The following RAB3C variants were observed in gnomAD, a reference collection of about 807,000 sequenced individuals.
RAB3C encodes RAB3C, member RAS oncogene family.
RAB3C carries 17 observed loss-of-function variants against 26.4 expected under a neutral mutation model. That is an observed-to-expected ratio of 0.64 (90% confidence interval 0.44 to 0.97). RAB3C has a LOEUF of 0.97. Ranked by LOEUF, RAB3C falls within the 50% of genes least tolerant of loss-of-function variation. The pLI is 0.00. For missense variants in RAB3C, 242 were observed against 281.9 expected (o/e 0.86, Z 1.01); for synonymous variants, 91 against 95.9 (o/e 0.95, Z 0.30).
intron 2 of RAB3C, among the ~76,000 whole-genome samples, chr5:58,673,447 TACAC>T (rs71604758): frequency 0.22 from 32,611 of 145,708 alleles, 3,560 homozygotes; most frequent in East Asian, 0.33. Flanking sequence ...GAACTAGTTA[TACAC>T]ACACACACAC....
chr5:58,708,113 C>A (rs1306511508), intron 2 of RAB3C, among the ~76,000 whole-genome samples: 1 of 151,952 alleles, frequency 6.6e-6, no homozygotes, highest in African/African-American at 2.4e-5. Context: ...ACCTTAGCCT[C>A]CCAAGTTGCT....
intron 2 of RAB3C, among the ~76,000 whole-genome samples, chr5:58,706,890 G>A (rs534469945): frequency 2.6e-5 from 4 of 152,228 alleles, no homozygotes; most frequent in South Asian, 4.2e-4. Flanking sequence ...TTTTCATCCC[G>A]TTGCCAAAGC....
intron 3 of RAB3C, among the ~76,000 whole-genome samples, chr5:58,743,898 A>G (rs1011253196): frequency 1.3e-5 from 2 of 152,162 alleles, no homozygotes; most frequent in African/African-American, 2.4e-5. Context: ...ACACAAATAG[A>G]TCTTATATAG....
At chr5:58,837,431 C>G (rs1433792956) in intron 4 of RAB3C, among the ~76,000 whole-genome samples, 1 of 152,108 alleles carries the variant, frequency 6.6e-6, no homozygotes, top group Non-Finnish European at 1.5e-5. Flanking sequence ...ACCCGCCCCT[C>G]TTGGCCTCCC....
intron 4 of RAB3C, 24 bp downstream of exon 4, chr5:58,825,186 A>C: frequency 6.2e-7 from 1 of 1,602,714 alleles, no homozygotes. Flanking sequence ...TAATAAGTTA[A>C]AAAGAAAGAT....
At chr5:58,776,661 T>A (rs1742148989) in intron 3 of RAB3C, among the ~76,000 whole-genome samples, 2 of 152,154 alleles carry the variant, frequency 1.3e-5, no homozygotes, top group South Asian at 4.1e-4. Context: ...CCGCGCTGCT[T>A]AAACAGATAA....
intron 2 of RAB3C, among the ~76,000 whole-genome samples, chr5:58,620,973 T>A (rs441085): frequency 0.25 from 37,794 of 152,086 alleles, 4,945 homozygotes; most frequent in Admixed American, 0.31. Context: ...GTGCTGGAAA[T>A]TATTTAGTTG....
intron 4 of RAB3C, among the ~76,000 whole-genome samples, chr5:58,831,197 T>G (rs1743606844): frequency 1.3e-5 from 2 of 152,140 alleles, no homozygotes; most frequent in Non-Finnish European, 2.9e-5. Context: ...AGGACTTAAC[T>G]GAATTTAGTT....
At chr5:58,657,728 AAGG>A (rs1421677785) in intron 2 of RAB3C, among the ~76,000 whole-genome samples, 1 of 152,184 alleles carries the variant, frequency 6.6e-6, no homozygotes, top group Non-Finnish European at 1.5e-5. Context: ...GGAGGATTTC[AAGG>A]AGAAGAGTGA....
chr5:58,657,065 T>C (rs1464991402), intron 2 of RAB3C, among the ~76,000 whole-genome samples: 1 of 152,320 alleles, frequency 6.6e-6, no homozygotes, highest in African/African-American at 2.4e-5. Flanking sequence ...TAAAAAGGAA[T>C]GAATTAACAA....
At position 58,853,940 on chromosome 5, in the gene RAB3C, C is replaced by CTT. The variant is rs1744172850; in HGVS notation, c.*2589_*2590insTT. On this transcript the variant is annotated 3_prime_UTR_variant, in exon 5 of 5. Coordinates refer to ENST00000282878, the MANE Select transcript of RAB3C (RefSeq NM_138453.4). ...CATCAAATTTGGCAAATGGTGGGACCAACCCAAGGTTAACTAAGTGGGCTT... is the reference window on the plus strand; with the variant it reads ...CATCAAATTTGGCAAATGGTGGGACCTTAACCCAAGGTTAACTAAGTGGGCTT... The CTT allele has an allele frequency of 6.6e-6, 1 of 151,656 alleles. No individual in the cohort carries two copies. Among genetic ancestry groups the CTT allele is most frequent in the Non-Finnish European group, 1.5e-5 (1 of 67,934 alleles). 9.4% of individuals were successfully genotyped at this position (151,656 alleles called of 1,614,324 possible). A position where few individuals can be genotyped will look rare whatever the true frequency, so the allele number is the denominator to read the frequency against.
chr5:58,609,840 A>C (rs1249889847), intron 1 of RAB3C, among the ~76,000 whole-genome samples: 1 of 152,160 alleles, frequency 6.6e-6, no homozygotes, highest in Non-Finnish European at 1.5e-5. Context: ...TTCAGAAGCC[A>C]GGATTAGGAT....
At chr5:58,756,184 T>A (rs186721846) in intron 3 of RAB3C, among the ~76,000 whole-genome samples, 3 of 151,316 alleles carry the variant, frequency 2.0e-5, no homozygotes, top group African/African-American at 7.3e-5. Context: ...TCCATACATG[T>A]TACATACACA....
At chr5:58,802,594 G>A (rs904098515) in intron 3 of RAB3C, among the ~76,000 whole-genome samples, 1 of 152,190 alleles carries the variant, frequency 6.6e-6, no homozygotes, top group Non-Finnish European at 1.5e-5. Context: ...CATCTACTAA[G>A]AGATGGGTCT....
intron 2 of RAB3C, among the ~76,000 whole-genome samples, chr5:58,691,349 GT>G (rs1272188027): frequency 1.1e-4 from 16 of 152,300 alleles, no homozygotes; most frequent in Non-Finnish European, 2.4e-4. Context: ...CAACCGGAGA[GT>G]GTTGGAGACG....
At chr5:58,734,969 A>C (rs780432142) in intron 3 of RAB3C, among the ~76,000 whole-genome samples, 21 of 152,202 alleles carry the variant, frequency 1.4e-4, no homozygotes, top group Non-Finnish European at 2.6e-4. Context: ...GTTTTGTCTG[A>C]GTTTCTACAG....
chr5:58,712,155 G>C (rs1159356222), intron 2 of RAB3C, among the ~76,000 whole-genome samples: 1 of 152,040 alleles, frequency 6.6e-6, no homozygotes, highest in Non-Finnish European at 1.5e-5. Context: ...TTTTTTCTCT[G>C]ATTTCTCTAG....
At chr5:58,737,680 AG>A (rs1364209645) in intron 3 of RAB3C, among the ~76,000 whole-genome samples, 1 of 151,816 alleles carries the variant, frequency 6.6e-6, no homozygotes, top group African/African-American at 2.4e-5. Context: ...AGTCTAGCAT[AG>A]GCCCAGGCAC....
intron 2 of RAB3C, among the ~76,000 whole-genome samples, chr5:58,665,762 C>T (rs1422813293): frequency 2.0e-5 from 3 of 152,056 alleles, no homozygotes; most frequent in Non-Finnish European, 4.4e-5. Flanking sequence ...CATCATAGTG[C>T]CTTGCATGTT....
Sources: gnomAD v4.1 joint callset for allele counts (sites outside exome capture counted in the v4.1 genomes callset) on GRCh38, gnomAD v4.1.1 for gene constraint, MANE v1.5 for transcripts, NCBI Gene and HGNC (gene_info 2026-07-23, HGNC 2026-07-21) for gene names.